Variants in STIM1 observed in about 807,000 individuals in gnomAD.
The protein encoded by STIM1 is stromal interaction molecule 1.
In STIM1, 25 loss-of-function variants were observed where a neutral mutation model predicts 74.7. That is an observed-to-expected ratio of 0.33 (90% CI 0.24 to 0.47). The LOEUF is 0.47. Among genes scored for constraint, STIM1 ranks in the 20% least tolerant of loss-of-function variants. STIM1 has a pLI of 1.00. For synonymous variants in STIM1, 328 were observed against 348.8 expected, an observed-to-expected ratio of 0.94 and a Z score of 0.66; for missense variants, 728 against 920.8, an observed-to-expected ratio of 0.79 and a Z score of 2.71.
intron 2 of STIM1, among the ~76,000 whole-genome samples, chr11:4,013,883 T>A (rs578016199): frequency 2.6e-5 from 4 of 151,510 alleles, no homozygotes; most frequent in Non-Finnish European, 5.9e-5. Context: ...TTTTTTGTAT[T>A]TTTTTAGTAG....
intron 2 of STIM1, among the ~76,000 whole-genome samples, chr11:4,013,986 C>T (rs2093869531): frequency 6.6e-6 from 1 of 152,050 alleles, no homozygotes; most frequent in African/African-American, 2.4e-5. Context: ...GGATTACAGG[C>T]ATCAGCCACC....
At chr11:3,860,131 A>C (rs958317241) in intron 1 of STIM1, among the ~76,000 whole-genome samples, 3 of 152,192 alleles carry the variant, frequency 2.0e-5, no homozygotes, top group Admixed American at 2.0e-4. Context: ...AATGTCATGG[A>C]AGAAATAAAC....
chr11:4,059,249 G>T, intron 4 of STIM1, 32 bp from the exon 5 acceptor site: 1 of 1,580,556 alleles, frequency 6.3e-7, no homozygotes, highest in South Asian at 1.1e-5. Context: ...TTTACTGGGA[G>T]GGAACTGATC....
intron 1 of STIM1, among the ~76,000 whole-genome samples, chr11:3,906,310 A>G (rs1445726167): frequency 6.6e-6 from 1 of 152,200 alleles, no homozygotes; most frequent in Non-Finnish European, 1.5e-5. Context: ...CTAAGAGATG[A>G]ACTAGGTTAC....
intron 1 of STIM1, among the ~76,000 whole-genome samples, chr11:3,964,816 G>C (rs148796416): frequency 8.0e-5 from 12 of 150,896 alleles, no homozygotes; most frequent in Non-Finnish European, 1.6e-4. Context: ...CCTCAGCCTC[G>C]TGGCCTCAAG....
intron 1 of STIM1, among the ~76,000 whole-genome samples, chr11:3,965,489 T>G (rs1212948074): frequency 6.6e-6 from 1 of 152,228 alleles, no homozygotes; most frequent in Non-Finnish European, 1.5e-5. Flanking sequence ...GGGCATATCA[T>G]GGGCTGATCA....
At chr11:3,901,650 G>T (rs570103486) in intron 1 of STIM1, among the ~76,000 whole-genome samples, 1 of 152,334 alleles carries the variant, frequency 6.6e-6, no homozygotes, top group South Asian at 2.1e-4. Context: ...CCATGTTGTT[G>T]TTGTAGAAAG....
chr11:4,053,605 T>G (rs984058746), intron 3 of STIM1, among the ~76,000 whole-genome samples: 1 of 151,672 alleles, frequency 6.6e-6, no homozygotes, highest in Admixed American at 6.6e-5. Flanking sequence ...GGGGGAGAGA[T>G]AGCATTAGGA....
At chr11:3,892,838 A>T (rs2091939032) in intron 1 of STIM1, 7 of 1,611,026 alleles carry the variant, frequency 4.3e-6, no homozygotes, top group Non-Finnish European at 4.2e-6. Context: ...GACATGGCCC[A>T]AGGGCTCGCT....
chr11:3,863,192 CCA>C (rs1308508751), intron 1 of STIM1, among the ~76,000 whole-genome samples: 3 of 150,720 alleles, frequency 2.0e-5, no homozygotes, highest in Non-Finnish European at 4.4e-5. Flanking sequence ...CCACGCCTGG[CCA>C]CACACGTATA....
At position 4,004,609 on chromosome 11, in the gene STIM1, G is replaced by A. The variant is rs371471965; in HGVS notation, c.271-19264G>A. Among the ~76,000 whole-genome samples the A allele has an allele frequency of 2.5e-3, 370 of 149,230 alleles. 1 individual carries two copies. The highest frequency in any genetic ancestry group is 8.4e-3 in the African/African-American group (336 of 40,218). ...TTCAAGATGGATTAAAGACTTAAAC[G>A]TTAGACCTAAAACCATAAAAACCCT... On this transcript the variant is annotated intron_variant, in intron 2 of 12. Coordinates refer to ENST00000526596, the MANE Select transcript of STIM1 (RefSeq NM_001382567.1).
intron 1 of STIM1, among the ~76,000 whole-genome samples, chr11:3,945,032 A>G (rs2093055510): frequency 6.6e-6 from 1 of 151,964 alleles, no homozygotes; most frequent in Admixed American, 6.6e-5. Flanking sequence ...CTGTCTTACC[A>G]TTGTTTGTTT....
intron 7 of STIM1, among the ~76,000 whole-genome samples, chr11:4,080,971 G>C (rs1421177602): frequency 6.6e-6 from 1 of 151,766 alleles, no homozygotes; most frequent in East Asian, 1.9e-4. Flanking sequence ...TTCATTTAGA[G>C]CTATAAAACC....
chr11:3,995,615 G>A (rs1184196764), intron 2 of STIM1, among the ~76,000 whole-genome samples: 1 of 152,204 alleles, frequency 6.6e-6, no homozygotes, highest in South Asian at 2.1e-4. Flanking sequence ...TGAAGGGATA[G>A]TTCCTGAGGT....
intron 12 of STIM1, among the ~76,000 whole-genome samples, chr11:4,090,142 C>T (rs1156549735): frequency 2.0e-5 from 3 of 152,200 alleles, no homozygotes; most frequent in African/African-American, 7.2e-5. Flanking sequence ...ATAGGCCTTT[C>T]AGCTTGGCAG....
intron 1 of STIM1, among the ~76,000 whole-genome samples, chr11:3,912,741 A>G (rs993491004): frequency 4.6e-5 from 7 of 152,236 alleles, no homozygotes; most frequent in South Asian, 2.1e-4. Context: ...GCCTTTGCCA[A>G]TGTGGGCTCT....
chr11:4,088,998 G>T (rs1009519925), intron 12 of STIM1: 6 of 407,048 alleles, frequency 1.5e-5, no homozygotes, highest in Non-Finnish European at 2.8e-5. Flanking sequence ...TTGGGAGGCC[G>T]AGAGCGGAGG....
intron 2 of STIM1, among the ~76,000 whole-genome samples, chr11:4,013,777 T>G (rs2135970098): frequency 7.1e-6 from 1 of 140,492 alleles, no homozygotes; most frequent in East Asian, 2.2e-4. Context: ...TGATCTTGGC[T>G]CACTGCAAGC....
chr11:3,995,446 T>C (rs1049364416), intron 2 of STIM1, among the ~76,000 whole-genome samples: 5 of 152,162 alleles, frequency 3.3e-5, no homozygotes, highest in African/African-American at 1.2e-4. Flanking sequence ...CAGTCATATT[T>C]GGATGATAAT....
Sources: gnomAD v4.1 joint callset for allele counts (sites outside exome capture counted in the v4.1 genomes callset) on GRCh38, gnomAD v4.1.1 for gene constraint, MANE v1.5 for transcripts, NCBI Gene and HGNC (gene_info 2026-07-23, HGNC 2026-07-21) for gene names.